ASXL2: variants seen among roughly 807,000 people sequenced by gnomAD.
ASXL2 encodes ASXL transcriptional regulator 2.
A neutral mutation model predicts 122.0 loss-of-function variants in ASXL2; 23 were observed. The observed-to-expected ratio is 0.19, with a 90% CI of 0.14 to 0.27. The LOEUF is 0.27. Among genes scored for constraint, ASXL2 ranks in the 10% least tolerant of loss-of-function variants. ASXL2 has a pLI of 1.00. For missense variants in ASXL2, 1,518 were observed against 1,713.8 expected (o/e 0.89, Z 2.02); for synonymous variants, 650 against 637.0 (o/e 1.02, Z -0.31).
In ASXL2 at chr2:25,753,572, T is replaced by C. The variant is rs778093584; in HGVS notation, c.1104A>G (p.Pro368=). The part of the protein sequence containing the change: ...QEIEKEKKVE[P]WKEQFFESYY... ...AGCTTTCAAAGAATTGTTCTTTCCATGGCTCCACTTTTTTCTCCTTCTCAA... is the reference window on the plus strand; with the variant it reads ...AGCTTTCAAAGAATTGTTCTTTCCACGGCTCCACTTTTTTCTCCTTCTCAA... Residue 368 remains proline (P), a synonymous_variant, in exon 11 of 13, where the codon CCA becomes CCG. Transcript: ENST00000435504. 6.2e-7 allele frequency: 1 copy of C among 1,613,904 alleles called. No homozygotes were observed. Among genetic ancestry groups the C allele is most frequent in the Admixed American group, 1.7e-5 (1 of 60,016 alleles).
chr2:25,812,921 G>A (rs980827527), intron 3 of ASXL2, among the ~76,000 whole-genome samples: 15 of 152,094 alleles, frequency 9.9e-5, no homozygotes, highest in Non-Finnish European at 2.9e-5. Context: ...TTATTACACC[G>A]TTTTTACAAA....
chr2:25,813,966 C>G (rs995523206), intron 3 of ASXL2, among the ~76,000 whole-genome samples: 5 of 152,106 alleles, frequency 3.3e-5, no homozygotes, highest in African/African-American at 1.2e-4. Context: ...AGGAGAATGG[C>G]GTGAACCCAG....
chr2:25,743,434 A>G lies in ASXL2; in HGVS notation c.2903T>C (p.Leu968Pro). ...TTCAACTTTGGTGAGAGGTTTAGGC[A>G]GAATTTGCTCCATGGGAACATCTTT... ...QGKDVPMEQILPKPLTKVEMK... is the reference protein window; with the variant it reads ...QGKDVPMEQIPPKPLTKVEMK... Residue 968 changes from leucine to proline, a missense_variant, in exon 13 of 13, where the codon CTG (leucine) becomes CCG (proline). Around this residue, in one of 8 missense-constraint regions of ASXL2, gnomAD observed 831 missense variants for 833.1 expected, o/e 1.00. Coordinates refer to ENST00000435504, the MANE Select transcript of ASXL2 (RefSeq NM_018263.6). 2 of 1,613,912 alleles carry G rather than the reference A, an allele frequency of 1.2e-6. No homozygotes were observed. The highest frequency in any genetic ancestry group is 1.7e-6 in the Non-Finnish European group (2 of 1,179,898).
chr2:25,829,034 A>G (rs2149185564), intron 3 of ASXL2, among the ~76,000 whole-genome samples: 1 of 152,230 alleles, frequency 6.6e-6, no homozygotes, highest in East Asian at 1.9e-4. Context: ...ATGGACTCCC[A>G]TCTTAGTCAA....
Position 25,744,490 on chromosome 2 carries a change from AGGGG to A in ASXL2, c.1861-18_1861-15del, listed in dbSNP as rs1201280838. On this transcript the variant is annotated splice_polypyrimidine_tract_variant and intron_variant, in intron 12 of 12. Transcript: ENST00000435504. This position sits in a 1 kb window ranked among gnomAD's most constrained non-coding sequence, Gnocchi z 4.7. ...GGAGACCGGGATCTGAAAGAAGTAG[AGGGG>A]AAAAAAACAACAGAGCTTAGTTTTC... 2 of 1,574,144 alleles carry A rather than the reference AGGGG, an allele frequency of 1.3e-6. No individual in the cohort carries two copies. The highest frequency in any genetic ancestry group is 2.0e-5 in the Admixed American group (1 of 49,102).
intron 5 of ASXL2, among the ~76,000 whole-genome samples, chr2:25,773,746 A>G (rs1163802700): frequency 2.6e-5 from 4 of 151,852 alleles, no homozygotes; most frequent in Non-Finnish European, 5.9e-5. Flanking sequence ...GATAAAATTT[A>G]TACTATGCAG....
At chr2:25,757,921 CAAAAAAAAAA>C (rs10524530) in intron 9 of ASXL2, among the ~76,000 whole-genome samples, 1 of 127,354 alleles carries the variant, frequency 7.9e-6, no homozygotes, top group African/African-American at 2.9e-5. Context: ...GAGTCTTTAA[CAAAAAAAAAA>C]AAAAAAAAAA....
chr2:25,854,165 G>A (rs2089750834), intron 1 of ASXL2, among the ~76,000 whole-genome samples: 1 of 152,078 alleles, frequency 6.6e-6, no homozygotes, highest in Non-Finnish European at 1.5e-5. Context: ...GTCTTTCCTA[G>A]CTTGGATTCT....
intron 3 of ASXL2, among the ~76,000 whole-genome samples, chr2:25,830,151 C>T (rs187639257): frequency 6.6e-6 from 1 of 152,328 alleles, no homozygotes; most frequent in Admixed American, 6.5e-5. Flanking sequence ...GAACCACAAT[C>T]CACTAAAACA....
chr2:25,768,714 C>T, intron 7 of ASXL2, 28 bp downstream of exon 7: 1 of 1,596,934 alleles, frequency 6.3e-7, no homozygotes, highest in Non-Finnish European at 8.5e-7. Context: ...AAAGAAACTT[C>T]CATTGAAAAA....
intron 3 of ASXL2, among the ~76,000 whole-genome samples, chr2:25,808,943 C>T (rs1356758979): frequency 6.6e-6 from 1 of 152,184 alleles, no homozygotes; most frequent in Admixed American, 6.5e-5. Flanking sequence ...TATAGGCTGT[C>T]ACAGCCAGAC....
chr2:25,747,139 C>T (rs181510502), intron 12 of ASXL2, among the ~76,000 whole-genome samples: 5 of 151,926 alleles, frequency 3.3e-5, no homozygotes, highest in East Asian at 3.9e-4. Context: ...CCAAATATTG[C>T]GATAGGTGGT....
At chr2:25,813,922 C>T (rs937828249) in intron 3 of ASXL2, among the ~76,000 whole-genome samples, 12 of 152,092 alleles carry the variant, frequency 7.9e-5, no homozygotes, top group Non-Finnish European at 1.3e-4. Context: ...TGATGGCGGG[C>T]GCCTGTTGTC....
chr2:25,766,991 T>C (rs536006318), intron 8 of ASXL2, among the ~76,000 whole-genome samples: 6 of 152,324 alleles, frequency 3.9e-5, no homozygotes, highest in South Asian at 4.1e-4. Context: ...CCCTGGCAAC[T>C]GCTCTTCAGC....
chr2:25,831,658 A>T (rs1449015726), intron 3 of ASXL2, among the ~76,000 whole-genome samples: 2 of 152,218 alleles, frequency 1.3e-5, no homozygotes, highest in Non-Finnish European at 2.9e-5. Flanking sequence ...TGTCTCAAAA[A>T]ACAAAAAACC....
At chr2:25,832,818 G>T (rs868458082) in intron 3 of ASXL2, among the ~76,000 whole-genome samples, 1 of 152,134 alleles carries the variant, frequency 6.6e-6, no homozygotes, top group African/African-American at 2.4e-5. Context: ...AGTTAGAAAC[G>T]GTCGCACGTC....
intron 12 of ASXL2, among the ~76,000 whole-genome samples, chr2:25,748,883 G>A (rs911422478): frequency 2.6e-5 from 4 of 152,226 alleles, no homozygotes; most frequent in Non-Finnish European, 5.9e-5. Flanking sequence ...AGCAATACAA[G>A]GCTAACTGGA....
At position 25,744,935 on chromosome 2, in the gene ASXL2, CCACACACACACACA is replaced by C. The variant is rs10579555; in HGVS notation, c.1861-473_1861-460del. ...GGGAAAATACTTGCTCTTCTCTGTT[CCACACACACACACA>C]CACACACACACACACACACACACAC... On this transcript the variant is annotated intron_variant, in intron 12 of 12. Coordinates refer to ENST00000435504, the MANE Select transcript of ASXL2 (RefSeq NM_018263.6). This position sits in a 1 kb window ranked among gnomAD's most constrained non-coding sequence, Gnocchi z 4.7. 0.021 allele frequency among the ~76,000 whole-genome samples: 2,947 copies of C among 138,328 alleles called. 94 individuals are homozygous for C. Among genetic ancestry groups the C allele is most frequent in the African/African-American group, 0.067 (2,466 of 36,804 alleles). 90.7% of individuals were successfully genotyped at this position (138,328 alleles called of 152,430 possible).
At chr2:25,811,724 T>C (rs1249806479) in intron 3 of ASXL2, among the ~76,000 whole-genome samples, 5 of 152,170 alleles carry the variant, frequency 3.3e-5, no homozygotes, top group Admixed American at 3.3e-4. Context: ...CCTGGTTTGA[T>C]ATAATATGTA....
Sources: allele counts gnomAD v4.1 joint callset (sites outside exome capture counted in the v4.1 genomes callset), GRCh38; gene constraint gnomAD v4.1.1; regional missense constraint gnomAD v4.1.1; non-coding constraint Gnocchi (gnomAD v3.1); transcripts MANE v1.5; gene names NCBI Gene and HGNC (gene_info 2026-07-23, HGNC 2026-07-21).